The following MBP variants were observed in gnomAD, a reference collection of about 807,000 sequenced individuals.
MBP encodes the protein Golli-MBP.
Under a neutral mutation model 35.8 loss-of-function variants are expected in MBP, and 16 were observed. The ratio of observed to expected loss-of-function variants is 0.45; its 90% CI spans 0.30 to 0.68. The LOEUF (loss-of-function observed/expected upper bound fraction) is 0.68, where lower values mean the gene tolerates loss of function less well. Ranked by LOEUF, MBP falls within the 30% of genes least tolerant of loss-of-function variation. The pLI is 0.08. For missense variants in MBP, 380 were observed against 404.7 expected, an observed-to-expected ratio of 0.94 and a Z score of 0.52; for synonymous variants, 143 against 159.6, an observed-to-expected ratio of 0.90 and a Z score of 0.78.
chr18:76,995,862 T>C (rs1256254424), intron 4 of MBP, among the ~76,000 whole-genome samples: 4 of 152,138 alleles, frequency 2.6e-5, no homozygotes, highest in South Asian at 2.1e-4. Flanking sequence ...TTCAAAACTT[T>C]TGTTTTACAA....
At chr18:77,080,407 C>T (rs1342364034) in intron 2 of MBP, among the ~76,000 whole-genome samples, 2 of 152,248 alleles carry the variant, frequency 1.3e-5, no homozygotes, top group Non-Finnish European at 2.9e-5. Flanking sequence ...TGGGGCCCTG[C>T]TGGCATCTGG....
intron 3 of MBP, among the ~76,000 whole-genome samples, chr18:77,029,498 C>T (rs7407423): frequency 0.56 from 80,449 of 144,926 alleles, 23,844 homozygotes; most frequent in Non-Finnish European, 0.65. Flanking sequence ...AAACTTTTTG[C>T]AGAGATGGGG....
In MBP at chr18:76,991,653, T is replaced by G. The variant is rs575634285; in HGVS notation, c.577-1593A>C. 3.9e-5 allele frequency among the ~76,000 whole-genome samples: 6 copies of G among 152,282 alleles called. No homozygotes were observed. The East Asian group carries it at 7.7e-4, about 20-fold the overall frequency. On this transcript the variant is annotated intron_variant, in intron 4 of 8. Coordinates refer to ENST00000355994, the MANE Select transcript of MBP (RefSeq NM_001025101.2). ...ACTGCTGCTCCCAGATGCTACTTGT[T>G]CAGAAATAGCCTGCATGTAAAGAGC... is the stretch of plus-strand genomic sequence containing the variant.
At chr18:77,064,039 C>A (rs911664125) in intron 3 of MBP, among the ~76,000 whole-genome samples, 2 of 152,052 alleles carry the variant, frequency 1.3e-5, no homozygotes, top group African/African-American at 2.4e-5. Flanking sequence ...GTAGGCTTAG[C>A]CAAAATCATT....
At chr18:76,983,645 C>A (rs1259068848) in intron 8 of MBP, 1 of 152,238 alleles carries the variant, frequency 6.6e-6, no homozygotes, top group African/African-American at 2.4e-5. Flanking sequence ...ACTCCCTGCT[C>A]ACTTCACATA....
chr18:77,008,288 C>A (rs1177737139), intron 4 of MBP, among the ~76,000 whole-genome samples: 1 of 152,196 alleles, frequency 6.6e-6, no homozygotes, highest in Non-Finnish European at 1.5e-5. Context: ...CTGGTGCATG[C>A]AGCCCCATCT....
At chr18:77,080,383 C>G (rs574187826) in intron 2 of MBP, among the ~76,000 whole-genome samples, 72 of 152,380 alleles carry the variant, frequency 4.7e-4, no homozygotes, top group African/African-American at 1.6e-3. Flanking sequence ...CCCAGCCACA[C>G]TGGGCTCCTC....
Position 76,980,324 on chromosome 18 carries a change from A to T in MBP, c.*103T>A, listed in dbSNP as rs967031751. On this transcript the variant is annotated 3_prime_UTR_variant, in exon 9 of 9. Coordinates refer to ENST00000355994, the MANE Select transcript of MBP (RefSeq NM_001025101.2). ...TGCACAACTCCGCAGGCATTAGGGGAGGGGTCATCTGCTCTAATTAGGTAA... is the reference window on the plus strand; with the variant it reads ...TGCACAACTCCGCAGGCATTAGGGGTGGGGTCATCTGCTCTAATTAGGTAA... 30 of 1,057,022 alleles carry T rather than the reference A, an allele frequency of 2.8e-5. No homozygotes were observed. The highest frequency in any genetic ancestry group is 4.3e-5 in the Non-Finnish European group (29 of 671,504). The allele number at this position is 1,057,022 out of a possible 1,614,324, so 65.5% of individuals were successfully genotyped here.
At chr18:77,068,920 A>C (rs1974316430) in intron 2 of MBP, 2 of 457,056 alleles carry the variant, frequency 4.4e-6, no homozygotes, top group Non-Finnish European at 8.8e-6. Context: ...AAAGAGCAGC[A>C]GCCGCCACCA....
intron 1 of MBP, among the ~76,000 whole-genome samples, chr18:77,117,722 A>G (rs1463185465): frequency 2.2e-5 from 3 of 133,868 alleles, no homozygotes; most frequent in Admixed American, 8.1e-5. Context: ...GAGACTGCAC[A>G]GAACCTCTGA....
intron 1 of MBP, chr18:77,114,290 T>A (rs772863172): frequency 6.6e-6 from 1 of 152,220 alleles, no homozygotes; most frequent in Non-Finnish European, 1.5e-5. Flanking sequence ...CTGACTGTGG[T>A]CCCTTGAAGT....
intron 2 of MBP, among the ~76,000 whole-genome samples, chr18:77,072,881 G>C (rs1356332862): frequency 5.9e-5 from 9 of 152,200 alleles, no homozygotes; most frequent in Non-Finnish European, 1.3e-4. Context: ...ACATTTCTCT[G>C]GAGGAAAGCT....
chr18:77,092,556 T>A (rs950215382), intron 2 of MBP, among the ~76,000 whole-genome samples: 3 of 152,116 alleles, frequency 2.0e-5, no homozygotes, highest in Non-Finnish European at 4.4e-5. Flanking sequence ...AAAACCCTGC[T>A]TAATGACATC....
At chr18:76,996,198 C>T (rs117070266) in intron 4 of MBP, among the ~76,000 whole-genome samples, 3,887 of 152,212 alleles carry the variant, frequency 0.026, 60 homozygotes, top group Middle Eastern at 0.051. Context: ...GTGCTGGGAA[C>T]GCAAACTGTC....
intron 3 of MBP, among the ~76,000 whole-genome samples, chr18:77,057,865 T>C (rs12454163): frequency 0.97 from 14,040 of 14,436 alleles, 6,942 homozygotes; most frequent in Non-Finnish European, 0.99. Context: ...CTCGCTCTGT[T>C]GCCCAGGCTG....
chr18:77,120,494 C>A (rs1409502065), intron 1 of MBP, among the ~76,000 whole-genome samples: 1 of 152,202 alleles, frequency 6.6e-6, no homozygotes, highest in Admixed American at 6.5e-5. Flanking sequence ...CTGAGCTAGG[C>A]CTGCTTGAAG....
chr18:76,986,766 C>T (rs1239933649), intron 7 of MBP: 4 of 985,484 alleles, frequency 4.1e-6, no homozygotes, highest in Non-Finnish European at 3.6e-6. Context: ...GTCCTTCTGT[C>T]TTACTCTATT....
chr18:77,025,168 C>T (rs902370704), intron 3 of MBP, among the ~76,000 whole-genome samples: 1 of 152,212 alleles, frequency 6.6e-6, no homozygotes, highest in Non-Finnish European at 1.5e-5. Context: ...GTTCTAGAAA[C>T]GCAGGCGATC....
chr18:77,089,986 G>A (rs1049738603), intron 2 of MBP, among the ~76,000 whole-genome samples: 3 of 152,156 alleles, frequency 2.0e-5, no homozygotes, highest in Non-Finnish European at 4.4e-5. Context: ...AGTACTGCTG[G>A]TACACCTCCA....
Sources: gnomAD v4.1 joint callset for allele counts (sites outside exome capture counted in the v4.1 genomes callset) on GRCh38, gnomAD v4.1.1 for gene constraint, MANE v1.5 for transcripts, NCBI Gene and HGNC (gene_info 2026-07-23, HGNC 2026-07-21) for gene names.